Variants in CNTNAP5 observed in about 807,000 individuals in gnomAD.
The protein encoded by CNTNAP5 is contactin associated protein family member 5.
CNTNAP5 carries 72 observed loss-of-function variants against 150.2 expected under a neutral mutation model. That is an observed-to-expected ratio of 0.48 (90% CI 0.40 to 0.58). CNTNAP5 has a LOEUF of 0.58. Among genes scored for constraint, CNTNAP5 ranks in the 20% least tolerant of loss-of-function variants. CNTNAP5 has a pLI of 0.00. For missense variants in CNTNAP5, 1,636 were observed against 1,626.2 expected (o/e 1.01, Z -0.10); for synonymous variants, 672 against 619.8 (o/e 1.08, Z -1.25).
chr2:124,599,043 T>A (rs1696912098), intron 11 of CNTNAP5, among the ~76,000 whole-genome samples: 2 of 152,226 alleles, frequency 1.3e-5, no homozygotes, highest in Admixed American at 6.5e-5. Flanking sequence ...GCCCACTGTC[T>A]GGCACTCCCT....
At chr2:124,411,411 C>A (rs1006831726) in intron 3 of CNTNAP5, among the ~76,000 whole-genome samples, 2 of 151,930 alleles carry the variant, frequency 1.3e-5, no homozygotes, top group Admixed American at 1.3e-4. Flanking sequence ...CAAAGCCAGG[C>A]AGAGACACAA....
intron 6 of CNTNAP5, among the ~76,000 whole-genome samples, chr2:124,463,208 A>G (rs933577660): frequency 6.6e-6 from 1 of 152,214 alleles, no homozygotes; most frequent in Non-Finnish European, 1.5e-5. Context: ...TTGAATACTA[A>G]AATGTACATA....
chr2:124,759,014 C>T (rs1403779680), intron 14 of CNTNAP5, among the ~76,000 whole-genome samples: 1 of 152,010 alleles, frequency 6.6e-6, no homozygotes, highest in Non-Finnish European at 1.5e-5. Flanking sequence ...CACACACATA[C>T]ACAAGTCAAT....
In CNTNAP5 at chr2:124,758,283, C is replaced by T. The variant is rs34548042; in HGVS notation, c.2235-5389C>T. Among the ~76,000 whole-genome samples, 452 of 152,254 alleles carry T rather than the reference C, an allele frequency of 3.0e-3. 2 individuals are homozygous for T. The highest frequency in any genetic ancestry group is 4.2e-3 in the Non-Finnish European group (287 of 68,018). On this transcript the variant is annotated intron_variant, in intron 14 of 23. Coordinates refer to ENST00000682447, the MANE Select transcript of CNTNAP5 (RefSeq NM_001367498.1). ...CAGCAACTGAGTGTACAGGACAAGT[C>T]ATTCACAGAGTTGAGTGACAGACAG...
At chr2:124,264,977 A>C (rs187369637) in intron 3 of CNTNAP5, among the ~76,000 whole-genome samples, 1 of 152,192 alleles carries the variant, frequency 6.6e-6, no homozygotes, top group African/African-American at 2.4e-5. Context: ...AGCCACATGA[A>C]GCGTCAGTAA....
chr2:124,377,693 G>GA (rs138543136), intron 3 of CNTNAP5, among the ~76,000 whole-genome samples: 80,070 of 143,374 alleles, frequency 0.56, 22,474 homozygotes, highest in African/African-American at 0.58. Flanking sequence ...AAAAAAAAAA[G>GA]AAAAAAAAAT....
chr2:124,527,025 T>A lies in CNTNAP5; in HGVS notation c.1478-260T>A, dbSNP rs544433876. On this transcript the variant is annotated intron_variant, in intron 9 of 23. Transcript: ENST00000682447. ...ATAGTTTACCAATGGAAAAACAAAG[T>A]AAGAAGGAGACACATGTTACAGTAT... Among the ~76,000 whole-genome samples, 9 of 152,286 alleles carry A rather than the reference T, an allele frequency of 5.9e-5. No individual in the cohort carries two copies. In the South Asian group the frequency reaches 1.9e-3, roughly 32 times the overall value.
At chr2:124,622,075 G>A (rs1264744169) in intron 12 of CNTNAP5, among the ~76,000 whole-genome samples, 3 of 151,852 alleles carry the variant, frequency 2.0e-5, no homozygotes, top group African/African-American at 4.8e-5. Context: ...TAGATATTAA[G>A]CCCAGCATCC....
intron 1 of CNTNAP5, among the ~76,000 whole-genome samples, chr2:124,126,642 T>C (rs1414020902): frequency 6.6e-6 from 1 of 152,132 alleles, no homozygotes; most frequent in Non-Finnish European, 1.5e-5. Flanking sequence ...CTGATGAACA[T>C]CAACGCAAAA....
intron 10 of CNTNAP5, among the ~76,000 whole-genome samples, chr2:124,552,104 AG>A (rs1467998509): frequency 6.6e-6 from 1 of 152,162 alleles, no homozygotes; most frequent in African/African-American, 2.4e-5. Context: ...ATGAATCAAT[AG>A]GGGGCAATAA....
Position 124,446,581 on chromosome 2 carries a change from C to A in CNTNAP5, c.734-172C>A, listed in dbSNP as rs187082162. Among the ~76,000 whole-genome samples the A allele has an allele frequency of 7.2e-5, 11 of 152,306 alleles. No individual in the cohort carries two copies. The East Asian group carries it at 1.9e-3, about 27-fold the overall frequency. The stretch of plus-strand genomic sequence containing the variant: ...TGCATATTGAACTTGATTCTGGAAT[C>A]TGTGGGCCAAGCCTGTTATTCCTTC... On this transcript the variant is annotated intron_variant, in intron 5 of 23. Coordinates refer to ENST00000682447, the MANE Select transcript of CNTNAP5 (RefSeq NM_001367498.1).
intron 13 of CNTNAP5, among the ~76,000 whole-genome samples, chr2:124,713,036 T>C: frequency 6.6e-6 from 1 of 152,184 alleles, no homozygotes; most frequent in East Asian, 1.9e-4. Context: ...AACATATGAA[T>C]TTAGAGAAGT....
chr2:124,883,777 CAT>C (rs1678018060), intron 21 of CNTNAP5, among the ~76,000 whole-genome samples: 1 of 152,004 alleles, frequency 6.6e-6, no homozygotes, highest in African/African-American at 2.4e-5. Context: ...TGCATATGTC[CAT>C]GTGTCCACAT....
chr2:124,221,411 C>T (rs1686308690), intron 1 of CNTNAP5, among the ~76,000 whole-genome samples: 1 of 152,052 alleles, frequency 6.6e-6, no homozygotes, highest in Admixed American at 6.6e-5. Context: ...GTTTTTGAGT[C>T]AGACAAATCT....
intron 1 of CNTNAP5, among the ~76,000 whole-genome samples, chr2:124,047,463 A>G (rs762292092): frequency 1.4e-4 from 21 of 152,188 alleles, no homozygotes; most frequent in Non-Finnish European, 2.8e-4. Context: ...CTTCACATAC[A>G]TTTTCCCATT....
chr2:124,252,438 G>A (rs1031737088), intron 3 of CNTNAP5, among the ~76,000 whole-genome samples: 2 of 152,220 alleles, frequency 1.3e-5, no homozygotes, highest in Admixed American at 1.3e-4. Flanking sequence ...TGATTCATGG[G>A]TGATGACCCA....
intron 6 of CNTNAP5, 123 bp from the exon 7 acceptor site, chr2:124,474,616 A>T (rs777037241): frequency 2.7e-6 from 2 of 727,636 alleles, no homozygotes; most frequent in Non-Finnish European, 4.4e-6. Context: ...TAGCATCTAT[A>T]ATTATTTGAG....
chr2:124,421,199 C>A (rs1194169535), intron 4 of CNTNAP5, among the ~76,000 whole-genome samples: 1 of 152,198 alleles, frequency 6.6e-6, no homozygotes, highest in Non-Finnish European at 1.5e-5. Context: ...CACCCCACAT[C>A]TGTATCTCAT....
At chr2:124,161,907 G>A (rs574719343) in intron 1 of CNTNAP5, among the ~76,000 whole-genome samples, 1 of 152,100 alleles carries the variant, frequency 6.6e-6, no homozygotes, top group African/African-American at 2.4e-5. Flanking sequence ...TATTTTATAG[G>A]TTCAATGATA....
Sources: allele counts gnomAD v4.1 joint callset (sites outside exome capture counted in the v4.1 genomes callset), GRCh38; gene constraint gnomAD v4.1.1; transcripts MANE v1.5; gene names NCBI Gene and HGNC (gene_info 2026-07-23, HGNC 2026-07-21).